ANAPC16: variants seen among roughly 807,000 people sequenced by gnomAD.
ANAPC16 encodes anaphase-promoting complex subunit 16.
A neutral mutation model predicts 13.1 loss-of-function variants in ANAPC16; 6 were observed. That is an observed-to-expected ratio of 0.46 (90% confidence interval 0.25 to 0.90). The LOEUF (loss-of-function observed/expected upper bound fraction) is 0.90, where lower values mean the gene tolerates loss of function less well. Ranked by LOEUF, ANAPC16 falls within the 40% of genes least tolerant of loss-of-function variation. The pLI is 0.18. For synonymous variants in ANAPC16, 55 were observed against 51.3 expected (o/e 1.07, Z -0.31); for missense variants, 113 against 131.1 (o/e 0.86, Z 0.67).
chr10:72,229,742 G>A (rs1284277735), intron 2 of ANAPC16, among the ~76,000 whole-genome samples: 1 of 152,038 alleles, frequency 6.6e-6, no homozygotes, highest in Non-Finnish European at 1.5e-5. Context: ...CTTGTTGGCA[G>A]TTCTTGGCAC....
chr10:72,219,463 G>C (rs549986622), intron 1 of ANAPC16, among the ~76,000 whole-genome samples: 1 of 152,280 alleles, frequency 6.6e-6, no homozygotes, highest in East Asian at 1.9e-4. Flanking sequence ...CAGCTGAGCA[G>C]AGTGGCTCAG....
In ANAPC16 at chr10:72,234,029, G is replaced by A. The variant is rs1378010718; in HGVS notation, c.*913G>A. The A allele has an allele frequency of 6.8e-6, 1 of 146,838 alleles. No individual in the cohort carries two copies. Among genetic ancestry groups the A allele is most frequent in the Non-Finnish European group, 1.5e-5 (1 of 67,116 alleles). The allele number at this position is 146,838 out of a possible 1,614,324, so 9.1% of individuals were successfully genotyped here. A position where few individuals can be genotyped will look rare whatever the true frequency, so the allele number is the denominator to read the frequency against. On this transcript the variant is annotated 3_prime_UTR_variant, in exon 4 of 4. Transcript: ENST00000299381. ...AGTAGTTTTTTTTTTTTTTTGAGACGAAGTTTTGCTCTTGTTGCCCAGGCT... is the reference window on the plus strand; with the variant it reads ...AGTAGTTTTTTTTTTTTTTTGAGACAAAGTTTTGCTCTTGTTGCCCAGGCT...
intron 3 of ANAPC16, among the ~76,000 whole-genome samples, chr10:72,230,901 T>C (rs753355033): frequency 6.6e-6 from 1 of 152,072 alleles, no homozygotes; most frequent in South Asian, 2.1e-4. Flanking sequence ...ACAAAAAAAG[T>C]TGGTCCTCCA....
intron 2 of ANAPC16, among the ~76,000 whole-genome samples, chr10:72,227,998 C>G (rs1418024795): frequency 4.6e-5 from 7 of 151,436 alleles, no homozygotes; most frequent in Middle Eastern, 3.4e-3. Context: ...GCCACTGCCC[C>G]CCAGCCTGGG....
intron 1 of ANAPC16, chr10:72,223,590 A>G (rs1225649776): frequency 9.8e-6 from 2 of 203,654 alleles, no homozygotes; most frequent in Admixed American, 1.2e-4. Flanking sequence ...GCACTGCCAT[A>G]TCACCCCTTC....
chr10:72,228,537 C>G (rs1294625660), intron 2 of ANAPC16, among the ~76,000 whole-genome samples: 2 of 152,162 alleles, frequency 1.3e-5, no homozygotes, highest in African/African-American at 4.8e-5. Flanking sequence ...CTGTGCTTGT[C>G]CCTGACAAGG....
At chr10:72,217,612 T>C (rs1859579308) in intron 1 of ANAPC16, among the ~76,000 whole-genome samples, 1 of 152,118 alleles carries the variant, frequency 6.6e-6, no homozygotes, top group Admixed American at 6.6e-5. Context: ...GGTTTTTTCA[T>C]AGTAAGTATG....
chr10:72,226,841 T>C (rs1860137353), intron 2 of ANAPC16, among the ~76,000 whole-genome samples: 1 of 152,076 alleles, frequency 6.6e-6, no homozygotes, highest in Non-Finnish European at 1.5e-5. Context: ...TTATGACTAG[T>C]GGTGAGGTAG....
At chr10:72,227,214 C>G (rs1860149076) in intron 2 of ANAPC16, among the ~76,000 whole-genome samples, 1 of 152,184 alleles carries the variant, frequency 6.6e-6, no homozygotes, top group South Asian at 2.1e-4. Context: ...TCCACAGTCT[C>G]AAAGCTATCA....
Position 72,233,256 on chromosome 10 carries a change from C to G in ANAPC16, c.*140C>G. 1.6e-6 allele frequency: 1 copy of G among 617,522 alleles called. No homozygotes were observed. The highest frequency in any genetic ancestry group is 2.9e-6 in the Non-Finnish European group (1 of 348,154). The allele number at this position is 617,522 out of a possible 1,614,324, so 38.3% of individuals were successfully genotyped here. A position where few individuals can be genotyped will look rare whatever the true frequency, so the allele number is the denominator to read the frequency against. ...ACATTTGTACTTGGTTTCTCTGTAT[C>G]TATTCACAGGCAACAAATACTTATA... On this transcript the variant is annotated 3_prime_UTR_variant, in exon 4 of 4. Transcript: ENST00000299381.
Position 72,224,395 on chromosome 10 carries a change from T to C in ANAPC16, c.142+339T>C, listed in dbSNP as rs576944098. 8.7e-4 allele frequency among the ~76,000 whole-genome samples: 132 copies of C among 152,208 alleles called. 1 individual carries two copies. In the Middle Eastern group the frequency reaches 0.01, roughly 12 times the overall value. On this transcript the variant is annotated intron_variant, in intron 2 of 3. Transcript: ENST00000299381. ...TGGGAGACTGAGGCAGGTGGATCAC[T>C]TGAGGCCAAGAGTTTGAGAGCAGCC...
At chr10:72,221,927 A>G (rs1441347884) in intron 1 of ANAPC16, among the ~76,000 whole-genome samples, 4 of 148,850 alleles carry the variant, frequency 2.7e-5, no homozygotes, top group African/African-American at 9.8e-5. Context: ...ATTGGGTTTC[A>G]CCATGTTGGC....
At chr10:72,223,816 C>A in intron 1 of ANAPC16, 72 bp from the exon 2 acceptor site, 1 of 1,233,484 alleles carries the variant, frequency 8.1e-7, no homozygotes, top group Non-Finnish European at 1.1e-6. Flanking sequence ...CTGGCCCTTA[C>A]AGCAGCTAGA....
At position 72,233,608 on chromosome 10, in the gene ANAPC16, T is replaced by C. The variant is rs1003106761; in HGVS notation, c.*492T>C. On this transcript the variant is annotated 3_prime_UTR_variant, in exon 4 of 4. Coordinates refer to ENST00000299381, the MANE Select transcript of ANAPC16 (RefSeq NM_173473.4). ...AAATGAGGAATTTTTAAATATTCTT[T>C]TTTTTTTCCTATTTTTAGACATCAA... is the stretch of plus-strand genomic sequence containing the variant. 3.3e-5 allele frequency: 5 copies of C among 153,062 alleles called. No individual in the cohort carries two copies. Among genetic ancestry groups the C allele is most frequent in the African/African-American group, 1.2e-4 (5 of 41,466 alleles). The allele number at this position is 153,062 out of a possible 1,614,324, so 9.5% of individuals were successfully genotyped here. A position where few individuals can be genotyped will look rare whatever the true frequency, so the allele number is the denominator to read the frequency against.
rs1440281726 is a variant in ANAPC16, at chr10:72,218,192, A to C, written c.-28+2054A>C. ...TATATATATATATATATATATATAT[A>C]TATATATATATATATATATATATAT... On this transcript the variant is annotated intron_variant, in intron 1 of 3. Coordinates refer to ENST00000299381, the MANE Select transcript of ANAPC16 (RefSeq NM_173473.4). Among the ~76,000 whole-genome samples the C allele has an allele frequency of 7.6e-5, 9 of 117,908 alleles. No individual in the cohort carries two copies. The East Asian group carries it at 2.7e-3, about 35-fold the overall frequency. 77.4% of individuals were successfully genotyped at this position (117,908 alleles called of 152,430 possible).
chr10:72,217,410 G>A (rs925080786), intron 1 of ANAPC16, among the ~76,000 whole-genome samples: 1 of 151,162 alleles, frequency 6.6e-6, no homozygotes, highest in South Asian at 2.1e-4. Flanking sequence ...AGGAGGCAGA[G>A]CTTGCAGTGA....
chr10:72,218,911 T>C (rs1044892707), intron 1 of ANAPC16, among the ~76,000 whole-genome samples: 2 of 152,172 alleles, frequency 1.3e-5, no homozygotes, highest in Non-Finnish European at 2.9e-5. Context: ...TTCTGAGAGT[T>C]TGGAAGAAAA....
chr10:72,216,811 C>A (rs1239292493), intron 1 of ANAPC16: 2 of 456,098 alleles, frequency 4.4e-6, no homozygotes, highest in South Asian at 3.1e-5. Flanking sequence ...CACTGTCAGC[C>A]CCAACTTACC....
chr10:72,230,082 G>A (rs1860248443), intron 2 of ANAPC16, among the ~76,000 whole-genome samples: 1 of 152,146 alleles, frequency 6.6e-6, no homozygotes, highest in Admixed American at 6.6e-5. Context: ...AGGTTGGGAG[G>A]AGGGAAGTGT....
Sources: gnomAD v4.1 joint callset for allele counts (sites outside exome capture counted in the v4.1 genomes callset) on GRCh38, gnomAD v4.1.1 for gene constraint, MANE v1.5 for transcripts, NCBI Gene and HGNC (gene_info 2026-07-23, HGNC 2026-07-21) for gene names.